Variants in CDH26 observed in about 807,000 individuals in gnomAD.
CDH26 encodes cadherin-like protein 26.
In CDH26, 83 loss-of-function variants were observed where a neutral mutation model predicts 90.3. That is an observed-to-expected ratio of 0.92 (90% confidence interval 0.77 to 1.10). CDH26 has a LOEUF of 1.10. Ranked by LOEUF, CDH26 falls within the 50% of genes least tolerant of loss-of-function variation. CDH26 has a pLI of 0.00. For missense variants in CDH26, 1,013 were observed against 1,037.6 expected (o/e 0.98, Z 0.33); for synonymous variants, 397 against 396.3 (o/e 1.00, Z -0.02).
intron 7 of CDH26, among the ~76,000 whole-genome samples, chr20:60,025,692 A>G (rs2061991531): frequency 6.6e-6 from 1 of 152,166 alleles, no homozygotes; most frequent in South Asian, 2.1e-4. Context: ...TACCTGTTTT[A>G]AATGTTTTTA....
intron 16 of CDH26, among the ~76,000 whole-genome samples, chr20:60,003,110 G>A (rs1339174515): frequency 6.6e-6 from 1 of 152,182 alleles, no homozygotes; most frequent in African/African-American, 2.4e-5. Context: ...TTTTGCTGTT[G>A]AGTTGCTAAG....
In CDH26 at chr20:60,013,511, A is replaced by C. The variant is rs1329625880; in HGVS notation, c.*781A>C. 6 of 152,222 alleles carry C rather than the reference A, an allele frequency of 3.9e-5. No homozygotes were observed. The highest frequency in any genetic ancestry group is 1.3e-4 in the Admixed American group (2 of 15,284). 9.4% of individuals were successfully genotyped at this position (152,222 alleles called of 1,614,324 possible). A position where few individuals can be genotyped will look rare whatever the true frequency, so the allele number is the denominator to read the frequency against. ...GGGGAAGAAATGGTTTCTTTTAAAA[A>C]TCTTAATAGGGGACATATGCCCTAA... On this transcript the variant is annotated 3_prime_UTR_variant, in exon 18 of 18. Coordinates refer to ENST00000348616, the MANE Select transcript of CDH26 (RefSeq NM_177980.4).
chr20:60,004,339 A>G (rs1427711785), intron 16 of CDH26, among the ~76,000 whole-genome samples: 1 of 152,208 alleles, frequency 6.6e-6, no homozygotes, highest in Non-Finnish European at 1.5e-5. Flanking sequence ...AGTGTTTTAC[A>G]CAAACCTAAA....
intron 10 of CDH26, among the ~76,000 whole-genome samples, chr20:59,993,182 G>A (rs185250560): frequency 6.6e-6 from 1 of 152,240 alleles, no homozygotes; most frequent in African/African-American, 2.4e-5. Flanking sequence ...ATTAAGGGAG[G>A]AGAAAAAATG....
At chr20:60,035,165 CTG>C (rs1357986988), downstream of CDH26, among the ~76,000 whole-genome samples, 2 of 152,210 alleles carry the variant, frequency 1.3e-5, no homozygotes, top group African/African-American at 4.8e-5. Flanking sequence ...GTTTGTACGA[CTG>C]TGTTATAACT....
rs1425228948 is a variant in CDH26 at position 60,002,866 on chromosome 20, T to G, written c.2220T>G (p.Pro740=). The part of the protein sequence containing the change: ...PRSVKNIHST[P]AYPDATMHRQ... Reference sequence around the variant, plus strand: ...GTGTGAAAAACATACACTCTACTCCTGTAAGTATAGATGTAGGTGTTACCG... The same window carrying G: ...GTGTGAAAAACATACACTCTACTCCGGTAAGTATAGATGTAGGTGTTACCG... The change falls in exon 16 of 18, where the codon CCT becomes CCG. Residue 740 remains proline (P), a splice_region_variant and synonymous_variant. Coordinates refer to ENST00000348616, the MANE Select transcript of CDH26 (RefSeq NM_177980.4). 10 of 1,584,896 alleles carry G rather than the reference T, an allele frequency of 6.3e-6. No individual in the cohort carries two copies. Among genetic ancestry groups the G allele is most frequent in the Non-Finnish European group, 8.6e-6 (10 of 1,161,514 alleles).
Position 59,987,637 on chromosome 20 carries a change from A to G in CDH26, c.1022A>G (p.Lys341Arg). 2 of 1,607,706 alleles carry G rather than the reference A, an allele frequency of 1.2e-6. No individual in the cohort carries two copies. The highest frequency in any genetic ancestry group is 1.7e-6 in the Non-Finnish European group (2 of 1,176,572). The change falls in exon 8 of 18, where the codon AAG becomes AGG. Residue 341 changes from lysine to arginine, a missense_variant and splice_region_variant. Lys to Arg is a conservative substitution (Grantham distance 26, BLOSUM62 2). Coordinates refer to ENST00000348616, the MANE Select transcript of CDH26 (RefSeq NM_177980.4). Reference protein sequence around the residue: ...ETNEGILNVIKPLDYETRPAQ... With the variant: ...ETNEGILNVIRPLDYETRPAQ... ...AACGAAGGGATATTAAATGTTATCAAGGTAACACCATACCGGTGACATACC... is the reference window on the plus strand; with the variant it reads ...AACGAAGGGATATTAAATGTTATCAGGGTAACACCATACCGGTGACATACC...
chr20:59,990,267 C>T (rs78155843), intron 9 of CDH26, among the ~76,000 whole-genome samples: 2,313 of 152,292 alleles, frequency 0.015, 70 homozygotes, highest in African/African-American at 0.052. Flanking sequence ...TCGATGGGCA[C>T]TTGGGTGGCA....
chr20:59,991,170 A>G (rs1387010578), intron 9 of CDH26, among the ~76,000 whole-genome samples: 1 of 152,192 alleles, frequency 6.6e-6, no homozygotes, highest in Non-Finnish European at 1.5e-5. Flanking sequence ...AAGGGTGCCC[A>G]TGATGCTGGC....
intron 4 of CDH26, among the ~76,000 whole-genome samples, chr20:59,980,821 T>G (rs1198097672): frequency 4.6e-5 from 7 of 152,234 alleles, no homozygotes; most frequent in Non-Finnish European, 1.0e-4. Flanking sequence ...TTTGGTGGTG[T>G]TATCTAACAC....
At chr20:59,960,293 A>G (rs1424207866) in intron 1 of CDH26, among the ~76,000 whole-genome samples, 1 of 152,070 alleles carries the variant, frequency 6.6e-6, no homozygotes, top group East Asian at 1.9e-4. Flanking sequence ...CTAGTAACTG[A>G]ATTTATCTGA....
intron 7 of CDH26, among the ~76,000 whole-genome samples, chr20:60,027,665 CAGAGAGGTAT>C (rs1377978657): frequency 6.6e-6 from 1 of 152,132 alleles, no homozygotes; most frequent in Non-Finnish European, 1.5e-5. Context: ...ACCCACATCC[CAGAGAGGTAT>C]AGACTATTGC....
intron 14 of CDH26, among the ~76,000 whole-genome samples, 160 bp downstream of exon 14, chr20:59,999,823 C>T (rs911338606): frequency 1.3e-5 from 2 of 152,206 alleles, no homozygotes; most frequent in Admixed American, 1.3e-4. Flanking sequence ...CCATGGTTCC[C>T]TTAGCCTAAA....
chr20:59,987,373 C>T, intron 7 of CDH26, 80 bp from the exon 8 acceptor site: 1 of 1,060,316 alleles, frequency 9.4e-7, no homozygotes, highest in South Asian at 1.6e-5. Context: ...CTCTCTGCTT[C>T]TCTCCCTCCT....
intron 7 of CDH26, among the ~76,000 whole-genome samples, chr20:60,020,163 C>G (rs1387655382): frequency 6.6e-6 from 1 of 152,184 alleles, no homozygotes; most frequent in Non-Finnish European, 1.5e-5. Flanking sequence ...GCTGGGGGCA[C>G]AGACACACAA....
intron 8 of CDH26, among the ~76,000 whole-genome samples, chr20:60,032,064 T>C (rs890999347): frequency 2.6e-5 from 4 of 152,218 alleles, no homozygotes; most frequent in African/African-American, 9.6e-5. Context: ...ATTCAATAAC[T>C]ATCATTATTA....
intron 15 of CDH26, 76 bp downstream of exon 15, chr20:60,001,487 G>T (rs180677949): frequency 6.4e-7 from 1 of 1,555,962 alleles, no homozygotes; most frequent in African/African-American, 1.4e-5. Context: ...AGAGAGGGCC[G>T]TTGTAGAAGA....
chr20:60,001,736 G>A (rs549016041), intron 15 of CDH26: 47 of 637,674 alleles, frequency 7.4e-5, no homozygotes, highest in Middle Eastern at 1.6e-3. Context: ...TAAAAGCACA[G>A]CACTTTGGCC....
At chr20:59,975,367 C>T (rs970734478) in intron 4 of CDH26, among the ~76,000 whole-genome samples, 2 of 152,136 alleles carry the variant, frequency 1.3e-5, no homozygotes, top group Admixed American at 6.5e-5. Context: ...GGTTTGCTAG[C>T]AACCACCCGA....
Sources: allele counts gnomAD v4.1 joint callset (sites outside exome capture counted in the v4.1 genomes callset), GRCh38; gene constraint gnomAD v4.1.1; transcripts MANE v1.5; gene names NCBI Gene and HGNC (gene_info 2026-07-23, HGNC 2026-07-21).